VWC2L: variants seen among roughly 807,000 people sequenced by gnomAD.
The protein encoded by VWC2L is von Willebrand factor C domain-containing protein 2-like.
VWC2L carries 10 observed loss-of-function variants against 21.6 expected under a neutral mutation model. The observed-to-expected ratio is 0.46, with a 90% CI of 0.29 to 0.78. The LOEUF (loss-of-function observed/expected upper bound fraction) is 0.78, where lower values mean the gene tolerates loss of function less well. Ranked by LOEUF, VWC2L falls within the 30% of genes least tolerant of loss-of-function variation. The pLI, the probability that VWC2L is intolerant of heterozygous loss-of-function variation, is 0.10. For missense variants in VWC2L, 209 were observed against 277.1 expected (o/e 0.75, Z 1.74); for synonymous variants, 96 against 94.3 (o/e 1.02, Z -0.10).
intron 2 of VWC2L, among the ~76,000 whole-genome samples, chr2:214,422,184 G>A (rs573827816): frequency 4.6e-5 from 7 of 151,994 alleles, no homozygotes; most frequent in South Asian, 2.1e-4. Context: ...CACCGCGCCC[G>A]GCCTATTTCC....
At chr2:214,517,334 C>G (rs1173010064) in intron 3 of VWC2L, among the ~76,000 whole-genome samples, 1 of 152,136 alleles carries the variant, frequency 6.6e-6, no homozygotes, top group Non-Finnish European at 1.5e-5. Context: ...GCTACAGGGT[C>G]ACTGGACTGC....
Position 214,576,072 on chromosome 2 carries a change from G to A in VWC2L, c.*252G>A, listed in dbSNP as rs532186690. 66 of 245,644 alleles carry A rather than the reference G, an allele frequency of 2.7e-4. No homozygotes were observed. The highest frequency in any genetic ancestry group is 9.8e-4 in the African/African-American group (44 of 44,768). 15.2% of individuals were successfully genotyped at this position (245,644 alleles called of 1,614,324 possible). On this transcript the variant is annotated 3_prime_UTR_variant, in exon 4 of 4. Coordinates refer to ENST00000312504, the MANE Select transcript of VWC2L (RefSeq NM_001080500.4). The stretch of plus-strand genomic sequence containing the variant: ...TACCAATGCTTGATGGTGACTTGAC[G>A]ACTGGATTGCTGGAACAAAAAGAAA...
At chr2:214,473,341 T>G (rs1703338289) in intron 3 of VWC2L, among the ~76,000 whole-genome samples, 1 of 152,220 alleles carries the variant, frequency 6.6e-6, no homozygotes, top group African/African-American at 2.4e-5. Flanking sequence ...TTTCAGTGGT[T>G]GAAGGCAATA....
At chr2:214,480,592 G>A (rs1688588228) in intron 3 of VWC2L, among the ~76,000 whole-genome samples, 1 of 152,074 alleles carries the variant, frequency 6.6e-6, no homozygotes, top group Non-Finnish European at 1.5e-5. Context: ...ACTTCTTGGT[G>A]TCAGGGACCC....
At chr2:214,482,232 G>A (rs1213535080) in intron 3 of VWC2L, among the ~76,000 whole-genome samples, 1 of 152,034 alleles carries the variant, frequency 6.6e-6, no homozygotes, top group Non-Finnish European at 1.5e-5. Context: ...ATGCTCTTCG[G>A]TGCTCACCAA....
intron 3 of VWC2L, among the ~76,000 whole-genome samples, chr2:214,547,754 A>C (rs566223813): frequency 6.6e-6 from 1 of 152,360 alleles, no homozygotes; most frequent in Non-Finnish European, 1.5e-5. Flanking sequence ...GAATCAAATA[A>C]GGAAAAGCAC....
intron 3 of VWC2L, among the ~76,000 whole-genome samples, chr2:214,437,902 G>A (rs760066770): frequency 4.6e-5 from 7 of 151,902 alleles, no homozygotes; most frequent in Admixed American, 6.6e-5. Flanking sequence ...CCAGATACAC[G>A]TTTTGCTATT....
chr2:214,434,035 G>T (rs762263761), intron 2 of VWC2L, among the ~76,000 whole-genome samples: 2 of 152,174 alleles, frequency 1.3e-5, no homozygotes, highest in Admixed American at 6.5e-5. Flanking sequence ...GAGATTCTGA[G>T]TCAGAAAGGG....
chr2:214,567,579 C>CAG (rs1559333799), intron 3 of VWC2L, among the ~76,000 whole-genome samples: 4 of 41,198 alleles, frequency 9.7e-5, no homozygotes, highest in East Asian at 3.2e-3. Context: ...CACACACACA[C>CAG]ACACACACAC....
intron 3 of VWC2L, among the ~76,000 whole-genome samples, chr2:214,491,441 A>T (rs1376563094): frequency 6.6e-6 from 1 of 152,196 alleles, no homozygotes; most frequent in Non-Finnish European, 1.5e-5. Flanking sequence ...GAGAGACTAA[A>T]TCCCAAAGCC....
intron 3 of VWC2L, among the ~76,000 whole-genome samples, chr2:214,527,959 A>G (rs190380064): frequency 3.6e-4 from 55 of 152,306 alleles, no homozygotes; most frequent in Non-Finnish European, 6.6e-4. Flanking sequence ...GGTCATTTCT[A>G]TCATTTACAA....
At chr2:214,422,622 T>C (rs1702459154) in intron 2 of VWC2L, among the ~76,000 whole-genome samples, 1 of 151,446 alleles carries the variant, frequency 6.6e-6, no homozygotes, top group Admixed American at 6.6e-5. Flanking sequence ...AACTGGCTTA[T>C]TTTAGAGTCT....
rs1690223601 is a variant in VWC2L at position 214,575,971 on chromosome 2, T to G, written c.*151T>G. On this transcript the variant is annotated 3_prime_UTR_variant, in exon 4 of 4. Coordinates refer to ENST00000312504, the MANE Select transcript of VWC2L (RefSeq NM_001080500.4). Reference sequence around the variant, plus strand: ...CTAGGGTTGACAAAAGTGAATATTTTCCTAAGAGGAAATTTCTTTCTCTCT... The same window carrying G: ...CTAGGGTTGACAAAAGTGAATATTTGCCTAAGAGGAAATTTCTTTCTCTCT... 6 of 798,430 alleles carry G rather than the reference T, an allele frequency of 7.5e-6. No individual in the cohort carries two copies. The Admixed American group carries it at 8.6e-5, about 11-fold the overall frequency. The allele number at this position is 798,430 out of a possible 1,614,324, so 49.5% of individuals were successfully genotyped here.
At position 214,551,601 on chromosome 2, in the gene VWC2L, A is replaced by C. The variant is rs184782114; in HGVS notation, c.521-24071A>C. 4.7e-4 allele frequency among the ~76,000 whole-genome samples: 72 copies of C among 152,294 alleles called. No homozygotes were observed. In the Middle Eastern group the frequency reaches 0.01, roughly 22 times the overall value. The stretch of plus-strand genomic sequence containing the variant: ...AATGACTATGATTGACTCCCATTTC[A>C]TTCCAATCTATCAGCTCTTAGTGAT... On this transcript the variant is annotated intron_variant, in intron 3 of 3. Coordinates refer to ENST00000312504, the MANE Select transcript of VWC2L (RefSeq NM_001080500.4).
chr2:214,545,766 G>A (rs1247365293), intron 3 of VWC2L, among the ~76,000 whole-genome samples: 2 of 152,010 alleles, frequency 1.3e-5, no homozygotes, highest in African/African-American at 4.8e-5. Context: ...AGACATCCTT[G>A]GTGACTTTGT....
At chr2:214,527,354 C>A (rs140222742) in intron 3 of VWC2L, among the ~76,000 whole-genome samples, 170 of 152,190 alleles carry the variant, frequency 1.1e-3, no homozygotes, top group African/African-American at 3.9e-3. Context: ...ATGCAATATA[C>A]CCATGTAATA....
intron 3 of VWC2L, among the ~76,000 whole-genome samples, chr2:214,555,945 G>A (rs964438479): frequency 6.6e-6 from 1 of 152,072 alleles, no homozygotes; most frequent in Non-Finnish European, 1.5e-5. Flanking sequence ...GAAAGGCAAA[G>A]GTCCCAATCT....
Position 214,534,619 on chromosome 2 carries a change from T to C in VWC2L, c.521-41053T>C, listed in dbSNP as rs183346222. Among the ~76,000 whole-genome samples, 9 of 152,190 alleles carry C rather than the reference T, an allele frequency of 5.9e-5. No homozygotes were observed. In the East Asian group the frequency reaches 1.4e-3, roughly 23 times the overall value. On this transcript the variant is annotated intron_variant, in intron 3 of 3. Transcript: ENST00000312504. ...TGTGCAATGTAAACATCCTACAAGA[T>C]CATAGATATCCTAGAGAAATCTTAT...
intron 3 of VWC2L, among the ~76,000 whole-genome samples, chr2:214,441,635 C>T (rs59645816): frequency 0.13 from 19,797 of 151,882 alleles, 1,387 homozygotes; most frequent in East Asian, 0.25. Flanking sequence ...CTTTTTCCCA[C>T]ATTCACATAC....
Sources: gnomAD v4.1 joint callset for allele counts (sites outside exome capture counted in the v4.1 genomes callset) on GRCh38, gnomAD v4.1.1 for gene constraint, MANE v1.5 for transcripts, NCBI Gene and HGNC (gene_info 2026-07-23, HGNC 2026-07-21) for gene names.